Variants in AQP9 observed in about 807,000 individuals in gnomAD.
The protein encoded by AQP9 is aquaporin-9.
In AQP9, 19 loss-of-function variants were observed where a neutral mutation model predicts 23.8. The ratio of observed to expected loss-of-function variants is 0.80; its 90% confidence interval spans 0.56 to 1.17. AQP9 has a LOEUF of 1.17. Ranked by LOEUF, AQP9 falls within the 50% of genes most tolerant of loss-of-function variation. The pLI, the probability that AQP9 is intolerant of heterozygous loss-of-function variation, is 0.00. For missense variants in AQP9, 413 were observed against 362.0 expected, an observed-to-expected ratio of 1.14 and a Z score of -1.14; for synonymous variants, 153 against 131.5, an observed-to-expected ratio of 1.16 and a Z score of -1.12.
chr15:58,159,512 G>C (rs1426477297), intron 1 of AQP9, among the ~76,000 whole-genome samples: 1 of 152,022 alleles, frequency 6.6e-6, no homozygotes, highest in Admixed American at 6.5e-5. Flanking sequence ...CATTCTGCTA[G>C]GAATATTCAA....
At chr15:58,177,410 G>T (rs181338283) in intron 4 of AQP9, among the ~76,000 whole-genome samples, 3 of 152,342 alleles carry the variant, frequency 2.0e-5, no homozygotes, top group Non-Finnish European at 1.5e-5. Context: ...TGTCATGGAA[G>T]CCCAGAGGAG....
intron 1 of AQP9, among the ~76,000 whole-genome samples, chr15:58,157,286 C>G (rs563666361): frequency 6.6e-6 from 1 of 152,158 alleles, no homozygotes; most frequent in Non-Finnish European, 1.5e-5. Context: ...CCACATAGTA[C>G]GGAGCAAATG....
At chr15:58,167,585 A>G (rs1415820979) in intron 2 of AQP9, among the ~76,000 whole-genome samples, 1 of 152,224 alleles carries the variant, frequency 6.6e-6, no homozygotes, top group Non-Finnish European at 1.5e-5. Context: ...TTCTACAAAG[A>G]AATCCCTCCT....
intron 2 of AQP9, among the ~76,000 whole-genome samples, chr15:58,168,614 C>T (rs1306808726): frequency 6.6e-6 from 1 of 152,182 alleles, no homozygotes; most frequent in Non-Finnish European, 1.5e-5. Context: ...CCAGGCTGGA[C>T]TGTGATGGTG....
At chr15:58,153,024 T>C (rs1193662749) in intron 1 of AQP9, 1 of 152,202 alleles carries the variant, frequency 6.6e-6, no homozygotes, top group East Asian at 1.9e-4. Flanking sequence ...CAACTTTTTA[T>C]TGGATGAGAA....
In AQP9 at chr15:58,166,771, G is replaced by A; in HGVS notation, c.210G>A (p.Met70Ile). ...INVGFSMAVA[M>I]AIYVAGGVSG... ...TTGGATTTTCAATGGCAGTTGCAAT[G>A]GCCATTTATGTGGCTGGCGGTGTCT... The change falls in exon 2 of 6, where the codon ATG (methionine) becomes ATA (isoleucine). Residue 70 changes from methionine (M) to isoleucine (I), a missense_variant. Coordinates refer to ENST00000219919, the MANE Select transcript of AQP9 (RefSeq NM_020980.5). The A allele has an allele frequency of 6.2e-7, 1 of 1,613,962 alleles. No homozygotes were observed. The highest frequency in any genetic ancestry group is 8.5e-7 in the Non-Finnish European group (1 of 1,179,866).
chr15:58,170,035 G>C (rs1298334703), intron 2 of AQP9, among the ~76,000 whole-genome samples: 5 of 152,068 alleles, frequency 3.3e-5, no homozygotes, highest in Non-Finnish European at 5.9e-5. Context: ...CTGTGCCCGC[G>C]GGCCCTTTAT....
At chr15:58,167,244 C>T (rs1303466618) in intron 2 of AQP9, among the ~76,000 whole-genome samples, 1 of 152,194 alleles carries the variant, frequency 6.6e-6, no homozygotes, top group Non-Finnish European at 1.5e-5. Context: ...CATGGACGTG[C>T]AGATCTGATC....
chr15:58,141,038 T>C (rs1354734755), intron 1 of AQP9, among the ~76,000 whole-genome samples: 1 of 152,164 alleles, frequency 6.6e-6, no homozygotes, highest in Non-Finnish European at 1.5e-5. Context: ...CAACAACAAT[T>C]AAGTCATAAG....
intron 1 of AQP9, chr15:58,164,067 C>T (rs968018686): frequency 1.3e-5 from 2 of 152,482 alleles, no homozygotes; most frequent in African/African-American, 4.8e-5. Context: ...AACTGAAGTC[C>T]CCACATTGCT....
At position 58,172,711 on chromosome 15, in the gene AQP9, A is replaced by G. The variant is rs1041936195; in HGVS notation, c.239-357A>G. Among the ~76,000 whole-genome samples the G allele has an allele frequency of 8.5e-5, 13 of 152,356 alleles. No individual in the cohort carries two copies. In the East Asian group the frequency reaches 1.2e-3, roughly 14 times the overall value. On this transcript the variant is annotated intron_variant, in intron 2 of 5. Transcript: ENST00000219919. ...ATAAGCATATTGACTTTTAAAAGAT[A>G]TCGAAGTTAATAGCTACATCAGTCT...
intron 2 of AQP9, 90 bp from the exon 3 acceptor site, chr15:58,172,978 A>G (rs1372787821): frequency 9.1e-6 from 14 of 1,534,348 alleles, no homozygotes; most frequent in African/African-American, 1.4e-5. Context: ...CTCTGCCTAG[A>G]AGACTGAATT....
At chr15:58,145,558 CA>C (rs1898030529) in intron 1 of AQP9, among the ~76,000 whole-genome samples, 1 of 151,420 alleles carries the variant, frequency 6.6e-6, no homozygotes, top group South Asian at 2.1e-4. Flanking sequence ...TTCTTCTGAA[CA>C]ACACAAAAAC....
chr15:58,139,070 A>G (rs1897909096), intron 1 of AQP9, among the ~76,000 whole-genome samples: 1 of 152,244 alleles, frequency 6.6e-6, no homozygotes, highest in Non-Finnish European at 1.5e-5. Context: ...ATAAGCATCA[A>G]TAGTCAATAA....
chr15:58,174,986 G>A lies in AQP9; in HGVS notation c.445G>A (p.Ala149Thr). The part of the protein sequence containing the change: ...VGENATAHIF[A>T]TYPAPYLSLA... ...AGAAAATGCAACAGCACACATTTTT[G>A]CAACATACCCAGCTCCGTATCTATC... Residue 149 changes from alanine to threonine, a missense_variant, in exon 4 of 6, where the codon GCA becomes ACA. By Grantham distance (58) the Ala-to-Thr change is moderately conservative. Transcript: ENST00000219919. The A allele has an allele frequency of 6.2e-7, 1 of 1,614,190 alleles. No individual in the cohort carries two copies. The highest frequency in any genetic ancestry group is 8.5e-7 in the Non-Finnish European group (1 of 1,180,004).
chr15:58,179,406 G>T, intron 5 of AQP9, 61 bp downstream of exon 5: 1 of 1,458,022 alleles, frequency 6.9e-7, no homozygotes. Flanking sequence ...CAGTGGGGCG[G>T]GGCTTTGACA....
rs1898511439 is a variant in AQP9 at position 58,166,655 on chromosome 15, G to C, written c.112-18G>C. The C allele has an allele frequency of 5.0e-6, 8 of 1,602,024 alleles. No homozygotes were observed. In the South Asian group the frequency reaches 7.9e-5, roughly 16 times the overall value. On this transcript the variant is annotated intron_variant, in intron 1 of 5. Coordinates refer to ENST00000219919, the MANE Select transcript of AQP9 (RefSeq NM_020980.5). ...GTAGCCATCCCCACTTACCTGTTGAGTTTTCCTCTCATTCCAGGTCCTTGG... is the reference window on the plus strand; with the variant it reads ...GTAGCCATCCCCACTTACCTGTTGACTTTTCCTCTCATTCCAGGTCCTTGG...
chr15:58,176,438 C>T (rs1397429025), intron 4 of AQP9, among the ~76,000 whole-genome samples: 4 of 151,912 alleles, frequency 2.6e-5, no homozygotes, highest in Admixed American at 6.6e-5. Flanking sequence ...GGATAGCTTG[C>T]ACCCAGGAGT....
intron 1 of AQP9, among the ~76,000 whole-genome samples, chr15:58,164,346 T>C (rs1407460248): frequency 6.6e-6 from 1 of 152,210 alleles, no homozygotes; most frequent in African/African-American, 2.4e-5. Flanking sequence ...GCGTCTCTTC[T>C]TAGCCCTGGT....
Sources: allele counts gnomAD v4.1 joint callset (sites outside exome capture counted in the v4.1 genomes callset), GRCh38; gene constraint gnomAD v4.1.1; transcripts MANE v1.5; gene names NCBI Gene and HGNC (gene_info 2026-07-23, HGNC 2026-07-21).